ANKRD36C: variants seen among roughly 807,000 people sequenced by gnomAD.
The protein encoded by ANKRD36C is ankyrin repeat domain-containing protein 36C.
ANKRD36C carries 61 observed loss-of-function variants against 276.4 expected under a neutral mutation model. The observed-to-expected ratio is 0.22, with a 90% CI of 0.18 to 0.27. The LOEUF is 0.27. ANKRD36C is among the 10% of genes least tolerant of loss of function. The pLI is 1.00. For missense variants in ANKRD36C, 1,447 were observed against 2,032.3 expected (o/e 0.71, Z 5.54); for synonymous variants, 483 against 680.1 (o/e 0.71, Z 4.51).
intron 56 of ANKRD36C, among the ~76,000 whole-genome samples, chr2:95,881,596 A>G (rs1179558521): frequency 6.6e-6 from 1 of 152,134 alleles, no homozygotes; most frequent in East Asian, 1.9e-4. Context: ...ATAACTAATA[A>G]AAAATATATG....
At chr2:95,865,841 A>T (rs1675673552) in intron 60 of ANKRD36C, among the ~76,000 whole-genome samples, 1 of 152,024 alleles carries the variant, frequency 6.6e-6, no homozygotes, top group African/African-American at 2.4e-5. Flanking sequence ...GACAATCCCC[A>T]ACTTAAGGTG....
intron 42 of ANKRD36C, 100 bp downstream of exon 46, chr2:95,910,273 G>T: frequency 7.7e-7 from 1 of 1,305,074 alleles, no homozygotes. Flanking sequence ...TGCTGAATCA[G>T]AAAGTGCAGC....
intron 24 of ANKRD36C, among the ~76,000 whole-genome samples, 191 bp from the exon 25 acceptor site, chr2:95,929,458 G>C (rs1320523080): frequency 6.6e-6 from 1 of 151,330 alleles, no homozygotes; most frequent in Non-Finnish European, 1.5e-5. Context: ...AGGAATACAG[G>C]CTTCAAGAAA....
At chr2:95,869,092 G>A (rs1431898823) in intron 59 of ANKRD36C, among the ~76,000 whole-genome samples, 1 of 151,936 alleles carries the variant, frequency 6.6e-6, no homozygotes, top group Non-Finnish European at 1.5e-5. Flanking sequence ...TTCTGTCAGA[G>A]TACATGTTTT....
intron 46 of ANKRD36C, among the ~76,000 whole-genome samples, chr2:95,890,430 C>A (rs1364249124): frequency 1.3e-5 from 2 of 151,362 alleles, no homozygotes; most frequent in Non-Finnish European, 3.0e-5. Flanking sequence ...CTTTAATTTG[C>A]CCAATAACTG....
intron 42 of ANKRD36C, among the ~76,000 whole-genome samples, chr2:95,908,900 G>C (rs542379818): frequency 1.5e-3 from 229 of 151,278 alleles, no homozygotes; most frequent in African/African-American, 5.2e-3. Flanking sequence ...TATAGTCTTA[G>C]AATTTCAAAC....
intron 42 of ANKRD36C, among the ~76,000 whole-genome samples, chr2:95,911,532 C>T (rs1676924206): frequency 2.0e-5 from 3 of 151,494 alleles, no homozygotes; most frequent in Non-Finnish European, 4.4e-5. Context: ...AAGTTTATCT[C>T]ATTTCTATAA....
chr2:95,896,398 TTA>T (rs1676551270), intron 44 of ANKRD36C, among the ~76,000 whole-genome samples: 8 of 148,742 alleles, frequency 5.4e-5, no homozygotes, highest in Admixed American at 5.4e-4. Context: ...AATGACCATT[TTA>T]GGAGTTAGTT....
intron 65 of ANKRD36C, 128 bp downstream of exon 85, chr2:95,851,998 C>T (rs1054945674): frequency 8.6e-7 from 1 of 1,167,780 alleles, no homozygotes; most frequent in African/African-American, 1.5e-5. Context: ...GTCAATATAG[C>T]TTACAGATGA....
intron 38 of ANKRD36C, among the ~76,000 whole-genome samples, chr2:95,915,203 G>C (rs1300178602): frequency 1.5e-4 from 22 of 151,524 alleles, no homozygotes; most frequent in Non-Finnish European, 1.5e-5. Flanking sequence ...TCATTAAACA[G>C]CTATTTTATC....
chr2:95,889,539 C>T (rs1206138141), intron 48 of ANKRD36C, among the ~76,000 whole-genome samples: 1 of 151,540 alleles, frequency 6.6e-6, no homozygotes, highest in Non-Finnish European at 1.5e-5. Context: ...ATGCTGTCCC[C>T]TGAGCCTGTT....
At chr2:95,915,581 A>G (rs1291316457) in intron 38 of ANKRD36C, among the ~76,000 whole-genome samples, 1 of 151,462 alleles carries the variant, frequency 6.6e-6, no homozygotes, top group Non-Finnish European at 1.5e-5. Context: ...CTCCTTCTAC[A>G]GTGTCTACCG....
chr2:95,856,855 A>C (rs1675425068), intron 62 of ANKRD36C, among the ~76,000 whole-genome samples: 1 of 152,182 alleles, frequency 6.6e-6, no homozygotes, highest in African/African-American at 2.4e-5. Context: ...CCATCAAATC[A>C]GTAACTTCTG....
At chr2:95,891,229 T>C (rs1326010941) in intron 46 of ANKRD36C, among the ~76,000 whole-genome samples, 1 of 151,450 alleles carries the variant, frequency 6.6e-6, no homozygotes. Context: ...AGGAAAATAG[T>C]TGCTACACCA....
intron 52 of ANKRD36C, among the ~76,000 whole-genome samples, chr2:95,885,396 C>G (rs548219482): frequency 6.6e-6 from 1 of 151,704 alleles, no homozygotes; most frequent in Non-Finnish European, 1.5e-5. Context: ...AGAGGAGTAA[C>G]GAGTCAGTGT....
In ANKRD36C at chr2:95,891,744, G is replaced by A. The variant is rs751966142; in HGVS notation, c.2785-7C>T. ...CTTTCTCGTCACTTGTAGCCTGAAT[G>A]GAATTTGAAATGAAATAATAAATTA... is the stretch of plus-strand genomic sequence containing the variant. On this transcript the variant is annotated splice_region_variant and splice_polypyrimidine_tract_variant and intron_variant, in intron 45 of 66. Coordinates refer to ENST00000456556, the Ensembl canonical transcript of ANKRD36C. 1.3e-6 allele frequency: 2 copies of A among 1,579,008 alleles called. No homozygotes were observed. The highest frequency in any genetic ancestry group is 1.7e-6 in the Non-Finnish European group (2 of 1,160,778).
chr2:95,923,796 A>T, intron 30 of ANKRD36C, 107 bp from the exon 31 acceptor site: 1 of 1,481,604 alleles, frequency 6.7e-7, no homozygotes, highest in Non-Finnish European at 9.1e-7. Flanking sequence ...CTGTATTAGT[A>T]TAGGCTTTGA....
downstream of ANKRD36C, among the ~76,000 whole-genome samples, chr2:95,849,222 GC>G (rs1382289911): frequency 2.0e-5 from 3 of 152,070 alleles, no homozygotes; most frequent in Non-Finnish European, 4.4e-5. Flanking sequence ...ACCACACCCA[GC>G]TAATTTTTGT....
chr2:95,850,598 C>T (rs112488663), downstream of ANKRD36C, among the ~76,000 whole-genome samples: 45 of 152,230 alleles, frequency 3.0e-4, no homozygotes, highest in South Asian at 3.9e-3. Flanking sequence ...TGGTAAGTGG[C>T]GAAAGATAAG....
Sources: gnomAD v4.1 joint callset for allele counts (sites outside exome capture counted in the v4.1 genomes callset) on GRCh38, gnomAD v4.1.1 for gene constraint, MANE v1.5 for transcripts, NCBI Gene and HGNC (gene_info 2026-07-23, HGNC 2026-07-21) for gene names.